UNC80: variants seen among roughly 807,000 people sequenced by gnomAD.
UNC80 encodes the protein unc-80 subunit of NALCN channel complex.
In UNC80, 164 loss-of-function variants were observed where a neutral mutation model predicts 384.6. That is an observed-to-expected ratio of 0.43 (90% CI 0.38 to 0.49). UNC80 has a LOEUF of 0.49. UNC80 is among the 20% of genes least tolerant of loss of function. UNC80 has a pLI of 0.00. For missense variants in UNC80, 3,330 were observed against 4,143.0 expected (o/e 0.80, Z 5.39); for synonymous variants, 1,486 against 1,527.8 (o/e 0.97, Z 0.64).
chr2:209,865,280 A>T (rs1025834039), intron 22 of UNC80, among the ~76,000 whole-genome samples: 1 of 151,808 alleles, frequency 6.6e-6, no homozygotes, highest in African/African-American at 2.4e-5. Flanking sequence ...TAGTCCATCA[A>T]TGAATTCCTT....
chr2:209,921,770 G>A (rs2090055866), intron 34 of UNC80, 84 bp downstream of exon 34: 1 of 1,371,312 alleles, frequency 7.3e-7, no homozygotes, highest in Non-Finnish European at 9.7e-7. Context: ...AATTTTATGT[G>A]ACATGAGGTG....
At chr2:209,775,771 C>T in intron 2 of UNC80, 118 bp from the exon 3 acceptor site, 1 of 1,005,802 alleles carries the variant, frequency 9.9e-7, no homozygotes, top group Non-Finnish European at 1.4e-6. Flanking sequence ...TAATTTGCAT[C>T]TTTTAAGGGG....
At chr2:209,922,048 G>C (rs898605386) in intron 34 of UNC80, among the ~76,000 whole-genome samples, 8 of 152,154 alleles carry the variant, frequency 5.3e-5, no homozygotes, top group Non-Finnish European at 1.2e-4. Flanking sequence ...TCTCTGTCCT[G>C]CTTTTGTAAA....
chr2:209,878,134 C>T, intron 24 of UNC80, 45 bp downstream of exon 24: 1 of 1,478,414 alleles, frequency 6.8e-7, no homozygotes, highest in South Asian at 1.4e-5. Context: ...TTGTAAGAAC[C>T]TCTGCTTTAG....
chr2:209,816,558 T>G (rs2079751997), intron 9 of UNC80, among the ~76,000 whole-genome samples: 1 of 152,142 alleles, frequency 6.6e-6, no homozygotes, highest in Non-Finnish European at 1.5e-5. Context: ...AAGACACACA[T>G]TGCTGGACCT....
chr2:209,913,670 C>G, intron 30 of UNC80, 132 bp from the exon 31 acceptor site: 1 of 856,060 alleles, frequency 1.2e-6, no homozygotes, highest in African/African-American at 1.7e-5. Context: ...ACTAAATATG[C>G]TCCCATTTTA....
At chr2:209,777,787 A>C (rs1325580728) in intron 4 of UNC80, among the ~76,000 whole-genome samples, 1 of 152,198 alleles carries the variant, frequency 6.6e-6, no homozygotes, top group Non-Finnish European at 1.5e-5. Context: ...CCTCTGCCTC[A>C]TGATAATGCC....
chr2:209,856,179 A>G (rs1416307474), intron 22 of UNC80, among the ~76,000 whole-genome samples: 4 of 152,110 alleles, frequency 2.6e-5, no homozygotes, highest in Admixed American at 1.3e-4. Flanking sequence ...TAAAGTAATA[A>G]CCTTTAATCT....
intron 5 of UNC80, among the ~76,000 whole-genome samples, 155 bp downstream of exon 5, chr2:209,786,344 G>A (rs975551): frequency 0.15 from 22,334 of 152,120 alleles, 2,467 homozygotes; most frequent in African/African-American, 0.3. Context: ...ACTCACATGA[G>A]GAGAAACTAC....
intron 22 of UNC80, among the ~76,000 whole-genome samples, chr2:209,871,444 T>A (rs12328869): frequency 0.18 from 26,867 of 152,166 alleles, 3,320 homozygotes; most frequent in African/African-American, 0.35. Context: ...AAAAGTTAAC[T>A]GACATGTAAT....
chr2:209,949,547 G>C (rs2092062132), intron 47 of UNC80, among the ~76,000 whole-genome samples: 1 of 151,594 alleles, frequency 6.6e-6, no homozygotes, highest in Admixed American at 6.6e-5. Flanking sequence ...GCATAATCTT[G>C]GCTCACTGCA....
intron 51 of UNC80, 34 bp from the exon 52 acceptor site, chr2:209,967,403 C>T (rs1028895002): frequency 1.4e-6 from 2 of 1,384,236 alleles, no homozygotes; most frequent in African/African-American, 3.0e-5. Flanking sequence ...TAAGCTTATA[C>T]TTTAAAATAT....
Position 209,777,342 on chromosome 2 carries a change from A to G in UNC80, c.383A>G (p.Asn128Ser), listed in dbSNP as rs367659566. The G allele has an allele frequency of 9.0e-5, 146 of 1,614,108 alleles. No homozygotes were observed. Among genetic ancestry groups the G allele is most frequent in the Non-Finnish European group, 1.2e-4 (142 of 1,180,040 alleles). ...WMLLEAPQDC[N>S]NERFGGTDRG... ...CTTCTGGAGGCCCCCCAGGACTGCA[A>G]CAATGAGCGGTTTGGGGGTACAGAC... Residue 128 changes from asparagine to serine, a missense_variant, in exon 4 of 65, where the codon AAC becomes AGC. Physicochemically the swap from Asn to Ser is conservative, Grantham distance 46 (BLOSUM62 1). Transcript: ENST00000673920.
intron 27 of UNC80, among the ~76,000 whole-genome samples, chr2:209,895,313 A>G (rs2086700125): frequency 6.6e-6 from 1 of 152,222 alleles, no homozygotes; most frequent in South Asian, 2.1e-4. Flanking sequence ...TTACTAGGTA[A>G]GTAGTTTCAA....
chr2:209,977,202 T>G, intron 58 of UNC80, 124 bp downstream of exon 58: 1 of 982,924 alleles, frequency 1.0e-6, no homozygotes, highest in East Asian at 2.9e-5. Context: ...TTTGGTACAC[T>G]GTTAGATTTG....
chr2:209,784,584 A>G (rs185889331), intron 4 of UNC80, among the ~76,000 whole-genome samples: 5 of 152,300 alleles, frequency 3.3e-5, no homozygotes, highest in Admixed American at 2.6e-4. Context: ...AGATAGCTAC[A>G]TGACAGCTCC....
At chr2:209,901,029 A>G (rs993771622) in intron 28 of UNC80, among the ~76,000 whole-genome samples, 10 of 152,354 alleles carry the variant, frequency 6.6e-5, no homozygotes, top group African/African-American at 2.4e-4. Flanking sequence ...TCTCCATAAC[A>G]TAAAAGTGCA....
intron 29 of UNC80, among the ~76,000 whole-genome samples, chr2:209,911,063 A>G (rs2088876862): frequency 6.6e-6 from 1 of 152,160 alleles, no homozygotes; most frequent in African/African-American, 2.4e-5. Flanking sequence ...CAGTTCCTCA[A>G]GGCTAGTAAG....
intron 52 of UNC80, 137 bp from the exon 53 acceptor site, chr2:209,969,631 T>G: frequency 1.6e-6 from 2 of 1,264,104 alleles, no homozygotes; most frequent in Non-Finnish European, 2.1e-6. Flanking sequence ...TGCTCTGTGC[T>G]TTTGGAACAA....
Sources: gnomAD v4.1 joint callset for allele counts (sites outside exome capture counted in the v4.1 genomes callset) on GRCh38, gnomAD v4.1.1 for gene constraint, MANE v1.5 for transcripts, NCBI Gene and HGNC (gene_info 2026-07-23, HGNC 2026-07-21) for gene names.